MGMT: variants seen among roughly 807,000 people sequenced by gnomAD.
MGMT encodes methylated-DNA--protein-cysteine methyltransferase.
In MGMT, 14 loss-of-function variants were observed where a neutral mutation model predicts 15.9. That is an observed-to-expected ratio of 0.88 (90% CI 0.58 to 1.37). MGMT has a LOEUF of 1.37. MGMT is among the 40% of genes most tolerant of loss of function. The pLI is 0.00. For synonymous variants in MGMT, 130 were observed against 118.2 expected (o/e 1.10, Z -0.65); for missense variants, 282 against 268.1 (o/e 1.05, Z -0.36).
chr10:129,593,075 T>A (rs1350466394), intron 2 of MGMT, among the ~76,000 whole-genome samples: 1 of 152,224 alleles, frequency 6.6e-6, no homozygotes, highest in Non-Finnish European at 1.5e-5. Flanking sequence ...ACCTGCACTC[T>A]GCTTCCTTCT....
At chr10:129,630,012 T>C (rs1176086548) in intron 2 of MGMT, among the ~76,000 whole-genome samples, 2 of 152,224 alleles carry the variant, frequency 1.3e-5, no homozygotes, top group Non-Finnish European at 2.9e-5. Flanking sequence ...CGTGGAGTGA[T>C]GAACTTGTAA....
intron 1 of MGMT, among the ~76,000 whole-genome samples, chr10:129,512,978 G>A (rs921669497): frequency 1.5e-4 from 23 of 152,124 alleles, no homozygotes; most frequent in Admixed American, 9.8e-4. Flanking sequence ...CATTCACAGT[G>A]GCCAAAAGGA....
At chr10:129,580,171 C>T (rs1333006032) in intron 2 of MGMT, among the ~76,000 whole-genome samples, 1 of 152,126 alleles carries the variant, frequency 6.6e-6, no homozygotes, top group Non-Finnish European at 1.5e-5. Context: ...GGAGTATTCC[C>T]CATTAACGGG....
At chr10:129,626,549 G>A (rs1847151871) in intron 2 of MGMT, among the ~76,000 whole-genome samples, 3 of 152,272 alleles carry the variant, frequency 2.0e-5, no homozygotes, top group South Asian at 2.1e-4. Flanking sequence ...GCAGGGAGAC[G>A]CCTGAGCTGG....
rs948102013 is a variant in MGMT at position 129,756,318 on chromosome 10, G to A, written c.275-2884G>A. Reference sequence around the variant, plus strand: ...CCACAGGACAGGCAGGAGGAAGGGCGAGTGTGGGAAGGAGACAAGGGAAGT... The same window carrying A: ...CCACAGGACAGGCAGGAGGAAGGGCAAGTGTGGGAAGGAGACAAGGGAAGT... On this transcript the variant is annotated intron_variant, in intron 3 of 4. Coordinates refer to ENST00000651593, the MANE Select transcript of MGMT (RefSeq NM_002412.5). Among the ~76,000 whole-genome samples the A allele has an allele frequency of 5.9e-5, 9 of 152,178 alleles. No individual in the cohort carries two copies. The East Asian group carries it at 9.7e-4, about 16-fold the overall frequency.
rs573400307 is a variant in MGMT, at chr10:129,480,654, G to C, written c.-13+13358G>C. 2.0e-5 allele frequency among the ~76,000 whole-genome samples: 3 copies of C among 152,194 alleles called. No homozygotes were observed. In the South Asian group the frequency reaches 6.2e-4, roughly 32 times the overall value. ...GCACTTTGGGAGGCTGAGGTGGGAG[G>C]ATCACTTGAGGCCAGGAGTTGGAGA... On this transcript the variant is annotated intron_variant, in intron 1 of 4. Coordinates refer to ENST00000651593, the MANE Select transcript of MGMT (RefSeq NM_002412.5).
Position 129,708,124 on chromosome 10 carries a change from T to C in MGMT, c.274+81T>C. ...TCGCTGACATCACAGTTCATTTTAT[T>C]GAGTATACCAACTTGGTATTTTTAC... On this transcript the variant is annotated intron_variant, in intron 3 of 4. Coordinates refer to ENST00000651593, the MANE Select transcript of MGMT (RefSeq NM_002412.5). 3.3e-6 allele frequency: 5 copies of C among 1,504,878 alleles called. No homozygotes were observed. The East Asian group carries it at 6.8e-5, about 20-fold the overall frequency. 93.2% of individuals were successfully genotyped at this position (1,504,878 alleles called of 1,614,324 possible). A position where few individuals can be genotyped will look rare whatever the true frequency, so the allele number is the denominator to read the frequency against.
chr10:129,643,408 C>G (rs1220388933), intron 2 of MGMT, among the ~76,000 whole-genome samples: 3 of 152,206 alleles, frequency 2.0e-5, no homozygotes, highest in African/African-American at 7.2e-5. Flanking sequence ...GTGCCAGTAA[C>G]TCCCTGGGGG....
chr10:129,705,468 C>A (rs1848150117), intron 2 of MGMT, among the ~76,000 whole-genome samples: 1 of 152,192 alleles, frequency 6.6e-6, no homozygotes, highest in Non-Finnish European at 1.5e-5. Context: ...CTATAGTTAT[C>A]TTTATTTCCG....
chr10:129,647,064 C>A (rs1377263433), intron 2 of MGMT, among the ~76,000 whole-genome samples: 1 of 152,110 alleles, frequency 6.6e-6, no homozygotes, highest in African/African-American at 2.4e-5. Flanking sequence ...TTGCACGCCT[C>A]CCTCTGGAAG....
At chr10:129,738,229 A>C (rs2094292) in intron 3 of MGMT, among the ~76,000 whole-genome samples, 1 of 152,116 alleles carries the variant, frequency 6.6e-6, no homozygotes, top group South Asian at 2.1e-4. Flanking sequence ...AGGACCCTCC[A>C]AGCCAGGTGC....
chr10:129,718,758 G>A (rs533509951), intron 3 of MGMT, among the ~76,000 whole-genome samples: 18 of 151,364 alleles, frequency 1.2e-4, no homozygotes, highest in Admixed American at 2.6e-4. Context: ...GTCACCTTCC[G>A]CTCAGGTGTG....
chr10:129,588,474 C>T (rs1185810927), intron 2 of MGMT, among the ~76,000 whole-genome samples: 2 of 152,162 alleles, frequency 1.3e-5, no homozygotes, highest in South Asian at 2.1e-4. Context: ...TTACGTCTTT[C>T]CTCCCTTTTT....
intron 1 of MGMT, among the ~76,000 whole-genome samples, chr10:129,479,943 G>A (rs532825848): frequency 6.6e-6 from 1 of 152,256 alleles, no homozygotes; most frequent in South Asian, 2.1e-4. Flanking sequence ...TTAGAAATTA[G>A]CAGTGAGAAA....
rs368239583 is a variant in MGMT, at chr10:129,488,385, C to G, written c.-13+21089C>G. 2.0e-5 allele frequency among the ~76,000 whole-genome samples: 3 copies of G among 152,120 alleles called. No individual in the cohort carries two copies. The South Asian group carries it at 6.2e-4, about 32-fold the overall frequency. Reference sequence around the variant, plus strand: ...TCTTTTGCGAAATGCCTGTTCATACCCTTTCTGCCCATATTTCTGTTGGAT... The same window carrying G: ...TCTTTTGCGAAATGCCTGTTCATACGCTTTCTGCCCATATTTCTGTTGGAT... On this transcript the variant is annotated intron_variant, in intron 1 of 4. Transcript: ENST00000651593.
At chr10:129,489,284 C>CG (rs1238405996) in intron 1 of MGMT, among the ~76,000 whole-genome samples, 1 of 140,394 alleles carries the variant, frequency 7.1e-6, no homozygotes, top group Non-Finnish European at 1.5e-5. Flanking sequence ...TGCATGAACC[C>CG]GGGAAGCGGA....
chr10:129,599,486 CA>C (rs1463167358), intron 2 of MGMT, among the ~76,000 whole-genome samples: 2 of 152,324 alleles, frequency 1.3e-5, no homozygotes, highest in Admixed American at 1.3e-4. Context: ...TTGTCTTGCG[CA>C]TTTATCATCC....
At chr10:129,665,995 A>G (rs1263812432) in intron 2 of MGMT, among the ~76,000 whole-genome samples, 1 of 152,160 alleles carries the variant, frequency 6.6e-6, no homozygotes, top group Non-Finnish European at 1.5e-5. Flanking sequence ...ATGGTTACCT[A>G]AGAGAATATT....
intron 2 of MGMT, among the ~76,000 whole-genome samples, chr10:129,586,094 A>C (rs1006488647): frequency 6.6e-6 from 1 of 152,128 alleles, no homozygotes; most frequent in East Asian, 1.9e-4. Context: ...TCATCCCACT[A>C]CTCAGAATGG....
Sources: gnomAD v4.1 joint callset for allele counts (sites outside exome capture counted in the v4.1 genomes callset) on GRCh38, gnomAD v4.1.1 for gene constraint, MANE v1.5 for transcripts, NCBI Gene and HGNC (gene_info 2026-07-23, HGNC 2026-07-21) for gene names.